Variants in CELF2 observed in about 807,000 individuals in gnomAD.
The protein encoded by CELF2 is CUG triplet repeat RNA-binding protein 2.
Under a neutral mutation model 62.6 loss-of-function variants are expected in CELF2, and 8 were observed. The ratio of observed to expected loss-of-function variants is 0.13; its 90% CI spans 0.07 to 0.23. The LOEUF (loss-of-function observed/expected upper bound fraction) is 0.23. CELF2 is among the 10% of genes least tolerant of loss of function. The probability of loss-of-function intolerance (pLI) is 1.00; values close to 1 mark genes in which losing one functional copy is unlikely to be tolerated. For missense variants in CELF2, 333 were observed against 671.0 expected, an observed-to-expected ratio of 0.50 and a Z score of 5.56; for synonymous variants, 258 against 250.0, an observed-to-expected ratio of 1.03 and a Z score of -0.30.
chr10:11,193,911 A>G (rs999427018), intron 2 of CELF2, among the ~76,000 whole-genome samples: 1 of 151,964 alleles, frequency 6.6e-6, no homozygotes, highest in African/African-American at 2.4e-5. Flanking sequence ...GGTCATCTTC[A>G]TTTTCTGATG....
chr10:10,914,590 C>T (rs188292209), intron 1 of CELF2, among the ~76,000 whole-genome samples: 52 of 152,186 alleles, frequency 3.4e-4, no homozygotes, highest in Middle Eastern at 6.8e-3. Context: ...GCTGCAACTT[C>T]AAATTTGCGG....
At chr10:10,883,330 C>T (rs963810241) in intron 1 of CELF2, among the ~76,000 whole-genome samples, 10 of 152,076 alleles carry the variant, frequency 6.6e-5, no homozygotes, top group Non-Finnish European at 1.5e-4. Flanking sequence ...ATAAATTGAG[C>T]GTTTAAGCAA....
chr10:10,942,015 A>G (rs935523914), intron 2 of CELF2, among the ~76,000 whole-genome samples: 3 of 151,918 alleles, frequency 2.0e-5, no homozygotes, highest in Non-Finnish European at 2.9e-5. Context: ...AAAAAAATCA[A>G]AAGTTAATAA....
intron 7 of CELF2, among the ~76,000 whole-genome samples, chr10:11,271,721 G>C (rs967282781): frequency 2.0e-5 from 3 of 148,834 alleles, no homozygotes. Flanking sequence ...GTGTCTCTGT[G>C]TGTGTGTGTG....
chr10:10,922,453 T>C (rs146001856), intron 2 of CELF2, among the ~76,000 whole-genome samples: 28 of 152,282 alleles, frequency 1.8e-4, no homozygotes, highest in African/African-American at 5.8e-4. Flanking sequence ...ACCACCTCTA[T>C]GTTGTCAGAA....
At position 11,318,914 on chromosome 10, in the gene CELF2, T is replaced by G. The variant is rs1226933592; in HGVS notation, c.1097-2275T>G. On this transcript the variant is annotated intron_variant, in intron 10 of 12. Transcript: ENST00000633077. The surrounding 1 kb of genome is among the most constrained non-coding windows in gnomAD (Gnocchi z 5.4). Reference sequence around the variant, plus strand: ...GTCTCACATGACAGGGCCTGAAAACTCCCACCCGCAGCAGACAAGGCATCA... The same window carrying G: ...GTCTCACATGACAGGGCCTGAAAACGCCCACCCGCAGCAGACAAGGCATCA... 4.2e-6 allele frequency: 2 copies of G among 470,864 alleles called. No homozygotes were observed. Among genetic ancestry groups the G allele is most frequent in the Non-Finnish European group, 4.4e-6 (1 of 226,984 alleles). The allele number at this position is 470,864 out of a possible 1,614,324, so 29.2% of individuals were successfully genotyped here.
the CELF2 span, among the ~76,000 whole-genome samples, chr10:10,644,795 G>A: frequency 6.6e-6 from 1 of 152,128 alleles, no homozygotes. Flanking sequence ...GGCTCTTCTG[G>A]CAAATGCACT....
At chr10:10,905,326 C>T (rs17149073) in intron 1 of CELF2, among the ~76,000 whole-genome samples, 5,061 of 152,246 alleles carry the variant, frequency 0.033, 285 homozygotes, top group African/African-American at 0.11. Context: ...ATCTTTGTCA[C>T]TCATTGTCTT....
rs994712008 is a variant in CELF2 at position 11,207,890 on chromosome 10, T to TG, written c.272-9531dup. Among the ~76,000 whole-genome samples, 60 of 151,996 alleles carry TG rather than the reference T, an allele frequency of 3.9e-4. No homozygotes were observed. Among genetic ancestry groups the TG allele is most frequent in the Non-Finnish European group, 2.2e-4 (15 of 67,944 alleles). On this transcript the variant is annotated intron_variant, in intron 2 of 12. Coordinates refer to ENST00000633077, the MANE Select transcript of CELF2 (RefSeq NM_001326342.2). The surrounding 1 kb of genome is among the most constrained non-coding windows in gnomAD (Gnocchi z 4.1). ...TAGCTATGGAAGTCCCATTTTTAGG[T>TG]GGGGAAAAAAGGGTTGTGTTAGGTG... is the stretch of plus-strand genomic sequence containing the variant.
rs1419607449 is a variant in CELF2 at position 11,039,415 on chromosome 10, C to T, written c.74+21252C>T. Among the ~76,000 whole-genome samples the T allele has an allele frequency of 3.3e-5, 5 of 152,196 alleles. No homozygotes were observed. Among genetic ancestry groups the T allele is most frequent in the Non-Finnish European group, 7.3e-5 (5 of 68,032 alleles). On this transcript the variant is annotated intron_variant, in intron 1 of 12. Transcript: ENST00000633077. This position sits in a 1 kb window ranked among gnomAD's most constrained non-coding sequence, Gnocchi z 4.1. ...CTTTTTGGACTATTCCTCCAACCTA[C>T]TTCTTATGCTGGTTGTGTGAATTAT...
intron 1 of CELF2, among the ~76,000 whole-genome samples, chr10:11,025,815 C>G (rs969031002): frequency 6.6e-6 from 1 of 152,230 alleles, no homozygotes; most frequent in African/African-American, 2.4e-5. Context: ...ATTAGTGATA[C>G]TGCTAGAAAA....
chr10:11,318,921 C>G lies in CELF2; in HGVS notation c.1097-2268C>G, dbSNP rs372815776. On this transcript the variant is annotated intron_variant, in intron 10 of 12. Transcript: ENST00000633077. The surrounding 1 kb of genome is among the most constrained non-coding windows in gnomAD (Gnocchi z 5.4). ...ATGACAGGGCCTGAAAACTCCCACCCGCAGCAGACAAGGCATCATGGTGGT... is the reference window on the plus strand; with the variant it reads ...ATGACAGGGCCTGAAAACTCCCACCGGCAGCAGACAAGGCATCATGGTGGT... 2.1e-6 allele frequency: 1 copy of G among 471,040 alleles called. No individual in the cohort carries two copies. Among genetic ancestry groups the G allele is most frequent in the Non-Finnish European group, 4.4e-6 (1 of 227,068 alleles). The allele number at this position is 471,040 out of a possible 1,614,324, so 29.2% of individuals were successfully genotyped here.
intron 1 of CELF2, among the ~76,000 whole-genome samples, chr10:11,143,617 C>A (rs1048982186): frequency 6.6e-6 from 1 of 152,206 alleles, no homozygotes; most frequent in African/African-American, 2.4e-5. Context: ...TAGTTTCTTG[C>A]ATATCTCACG....
chr10:10,504,690 A>C, the CELF2 span, among the ~76,000 whole-genome samples: 1 of 152,006 alleles, frequency 6.6e-6, no homozygotes, highest in South Asian at 2.1e-4. Flanking sequence ...TTATAGCCCT[A>C]TATGTCCCTG....
chr10:10,723,130 G>A, the CELF2 span, among the ~76,000 whole-genome samples: 1 of 152,180 alleles, frequency 6.6e-6, no homozygotes, highest in Admixed American at 6.5e-5. Context: ...ACCAGCTGTA[G>A]TCAATCGGAA....
At chr10:11,137,867 T>C (rs920322379) in intron 1 of CELF2, among the ~76,000 whole-genome samples, 5 of 152,224 alleles carry the variant, frequency 3.3e-5, no homozygotes, top group African/African-American at 1.2e-4. Flanking sequence ...GAGCCAAGCT[T>C]CAAGTGTTCC....
chr10:10,693,979 T>TG, the CELF2 span, among the ~76,000 whole-genome samples: 4 of 151,566 alleles, frequency 2.6e-5, no homozygotes, highest in African/African-American at 9.8e-5. Context: ...GATTCATTAA[T>TG]TTTTTGAAGG....
At position 10,822,054 on chromosome 10, in the gene CELF2, C is replaced by T. The variant is rs1039773596; in HGVS notation, c.53+23237C>T. On this transcript the variant is annotated intron_variant, in intron 1 of 13. Coordinates refer to the CELF2 transcript ENST00000636488. Reference sequence around the variant, plus strand: ...ACACAGACTACACACAATGCAGCCACTCCTTCCCTTTCTATTCTCTCACAA... The same window carrying T: ...ACACAGACTACACACAATGCAGCCATTCCTTCCCTTTCTATTCTCTCACAA... Among the ~76,000 whole-genome samples the T allele has an allele frequency of 2.0e-5, 3 of 152,366 alleles. No homozygotes were observed. In the East Asian group the frequency reaches 5.8e-4, roughly 29 times the overall value.
Position 11,046,184 on chromosome 10 carries a change from G to A in CELF2, c.74+28021G>A, listed in dbSNP as rs528994740. ...GCACGCCAGCGGTTCTCAAAATCAC[G>A]GCACCGCTTGTCTAACAACACCGAA... On this transcript the variant is annotated intron_variant, in intron 1 of 12. Coordinates refer to ENST00000633077, the MANE Select transcript of CELF2 (RefSeq NM_001326342.2). This position sits in a 1 kb window ranked among gnomAD's most constrained non-coding sequence, Gnocchi z 4.6. Among the ~76,000 whole-genome samples the A allele has an allele frequency of 1.3e-5, 2 of 152,144 alleles. No homozygotes were observed. Among genetic ancestry groups the A allele is most frequent in the African/African-American group, 2.4e-5 (1 of 41,424 alleles).
Sources: allele counts gnomAD v4.1 joint callset (sites outside exome capture counted in the v4.1 genomes callset), GRCh38; gene constraint gnomAD v4.1.1; non-coding constraint Gnocchi (gnomAD v3.1); transcripts MANE v1.5; gene names NCBI Gene and HGNC (gene_info 2026-07-23, HGNC 2026-07-21).